The following U2AF2 variants were observed in gnomAD, a reference collection of about 807,000 sequenced individuals.
U2AF2 encodes the protein U2 small nuclear RNA auxiliary factor 2, also known as splicing factor U2AF 65 kDa subunit.
Under a neutral mutation model 52.6 loss-of-function variants are expected in U2AF2, and 6 were observed. The observed-to-expected ratio is 0.11, with a 90% CI of 0.06 to 0.23. U2AF2 has a LOEUF of 0.23. Ranked by LOEUF, U2AF2 falls within the 10% of genes least tolerant of loss-of-function variation. The probability of loss-of-function intolerance (pLI) is 1.00; values close to 1 mark genes in which losing one functional copy is unlikely to be tolerated. For synonymous variants in U2AF2, 284 were observed against 258.2 expected, an observed-to-expected ratio of 1.10 and a Z score of -0.96; for missense variants, 222 against 677.1, an observed-to-expected ratio of 0.33 and a Z score of 7.46.
In U2AF2 at chr19:55,663,594, T is replaced by A. The variant is rs775485746; in HGVS notation, c.604-12T>A. 1 of 1,612,560 alleles carries A rather than the reference T, an allele frequency of 6.2e-7. No homozygotes were observed. The highest frequency in any genetic ancestry group is 8.5e-7 in the Non-Finnish European group (1 of 1,178,746). On this transcript the variant is annotated splice_polypyrimidine_tract_variant and intron_variant, in intron 6 of 11. Coordinates refer to ENST00000308924, the MANE Select transcript of U2AF2 (RefSeq NM_007279.3). ...ACCCCCATCCCTCACCACTCCTTTCTCTTTCATTCAGTTCCGCTCAGTGGA... is the reference window on the plus strand; with the variant it reads ...ACCCCCATCCCTCACCACTCCTTTCACTTTCATTCAGTTCCGCTCAGTGGA...
At chr19:55,667,337 A>G (rs996497531) in intron 7 of U2AF2, among the ~76,000 whole-genome samples, 3 of 152,062 alleles carry the variant, frequency 2.0e-5, no homozygotes, top group Admixed American at 6.6e-5. Context: ...CTTGGTGTGG[A>G]GGCTGCAGAG....
chr19:55,663,878 T>C, intron 7 of U2AF2, 134 bp downstream of exon 7: 2 of 1,368,992 alleles, frequency 1.5e-6, no homozygotes, highest in Non-Finnish European at 2.0e-6. Context: ...TTTCCCTGCT[T>C]CCCCTAAGTC....
intron 7 of U2AF2, among the ~76,000 whole-genome samples, chr19:55,667,922 A>G (rs1159265544): frequency 6.6e-6 from 1 of 151,886 alleles, no homozygotes; most frequent in Non-Finnish European, 1.5e-5. Context: ...AGTAGCTGGG[A>G]CTACAGGTGC....
Position 55,659,289 on chromosome 19 carries a change from C to T in U2AF2, c.129C>T (p.Ser43=). The part of the protein sequence containing the change: ...RSRDRKRRSR[S]RDRRNRDQRS... ...GGGACCGCAAACGCCGGAGCCGGAG[C>T]CGCGACCGGCGCAACCGGGACCAGC... The change falls in exon 2 of 12, where the codon AGC becomes AGT. Residue 43 remains serine (S), a synonymous_variant. Coordinates refer to ENST00000308924, the MANE Select transcript of U2AF2 (RefSeq NM_007279.3). 1 of 1,599,076 alleles carries T rather than the reference C, an allele frequency of 6.3e-7. No homozygotes were observed. The highest frequency in any genetic ancestry group is 8.5e-7 in the Non-Finnish European group (1 of 1,172,162).
chr19:55,673,127 C>A (rs1424440288), intron 11 of U2AF2, among the ~76,000 whole-genome samples: 1 of 151,132 alleles, frequency 6.6e-6, no homozygotes, highest in East Asian at 2.0e-4. Context: ...CTATGTTGGC[C>A]ATGCTGGTCT....
chr19:55,655,265 C>A, intron 1 of U2AF2, 112 bp downstream of exon 1: 1 of 1,219,504 alleles, frequency 8.2e-7, no homozygotes, highest in Non-Finnish European at 1.1e-6. Context: ...CGCGGCGCCC[C>A]CCAACCCTGG....
At chr19:55,656,854 T>C (rs1382371909) in intron 1 of U2AF2, among the ~76,000 whole-genome samples, 2 of 152,224 alleles carry the variant, frequency 1.3e-5, no homozygotes, top group South Asian at 4.1e-4. Flanking sequence ...TAAAATTCCA[T>C]GCTTAGAGAG....
At chr19:55,667,948 G>A (rs1267559548) in intron 7 of U2AF2, among the ~76,000 whole-genome samples, 1 of 152,096 alleles carries the variant, frequency 6.6e-6, no homozygotes, top group Non-Finnish European at 1.5e-5. Context: ...ACCACAGCCC[G>A]CTAATTTTTG....
In U2AF2 at chr19:55,663,595, C is replaced by G. The variant is rs372872498; in HGVS notation, c.604-11C>G. 1.1e-5 allele frequency: 18 copies of G among 1,613,032 alleles called. No homozygotes were observed. In the African/African-American group the frequency reaches 2.3e-4, roughly 20 times the overall value. On this transcript the variant is annotated splice_polypyrimidine_tract_variant and intron_variant, in intron 6 of 11. Coordinates refer to ENST00000308924, the MANE Select transcript of U2AF2 (RefSeq NM_007279.3). ...CCCCCATCCCTCACCACTCCTTTCT[C>G]TTTCATTCAGTTCCGCTCAGTGGAC...
At position 55,660,490 on chromosome 19, in the gene U2AF2, C is replaced by A. The variant is rs773570042; in HGVS notation, c.231-26C>A. 23 of 994,880 alleles carry A rather than the reference C, an allele frequency of 2.3e-5. No individual in the cohort carries two copies. In the South Asian group the frequency reaches 2.8e-4, roughly 12 times the overall value. The allele number at this position is 994,880 out of a possible 1,614,324, so 61.6% of individuals were successfully genotyped here. ...TTGGTCAGACTGAGGTTGCCCTGCCCCGCTCTCCCCTCCCACCTCCCCCAG... is the reference window on the plus strand; with the variant it reads ...TTGGTCAGACTGAGGTTGCCCTGCCACGCTCTCCCCTCCCACCTCCCCCAG... On this transcript the variant is annotated intron_variant, in intron 3 of 11. Transcript: ENST00000308924.
intron 3 of U2AF2, 124 bp from the exon 4 acceptor site, chr19:55,660,392 C>T (rs1984099333): frequency 9.2e-7 from 1 of 1,084,396 alleles, no homozygotes; most frequent in African/African-American, 1.6e-5. Context: ...CTCTCCTTCC[C>T]TGGAGAGAGT....
chr19:55,672,325 C>T (rs1407021225), intron 11 of U2AF2, among the ~76,000 whole-genome samples: 1 of 152,114 alleles, frequency 6.6e-6, no homozygotes, highest in Non-Finnish European at 1.5e-5. Flanking sequence ...TCATATTCAG[C>T]TTATTTCTCC....
At chr19:55,658,193 C>G (rs551924243) in intron 1 of U2AF2, among the ~76,000 whole-genome samples, 46 of 152,266 alleles carry the variant, frequency 3.0e-4, no homozygotes, top group South Asian at 6.2e-4. Flanking sequence ...CATATATAAG[C>G]ACCTTAACGT....
chr19:55,662,469 C>CGT, intron 5 of U2AF2, 33 bp from the exon 6 acceptor site: 1 of 1,172,316 alleles, frequency 8.5e-7, no homozygotes, highest in Non-Finnish European at 1.2e-6. Flanking sequence ...TCCCTTCCCC[C>CGT]GCCCCCCCCC....
chr19:55,660,961 A>T, intron 4 of U2AF2, 77 bp from the exon 5 acceptor site: 9 of 1,496,010 alleles, frequency 6.0e-6, no homozygotes, highest in Non-Finnish European at 8.0e-6. Context: ...GAGGAGGGGA[A>T]CTCCCAGTGT....
In U2AF2 at chr19:55,659,322, C is replaced by T; in HGVS notation, c.162C>T (p.Ala54=). The change falls in exon 2 of 12, where the codon GCC becomes GCT. Residue 54 remains alanine (A), a synonymous_variant. Transcript: ENST00000308924. Reference sequence around the variant, plus strand: ...GGCGCAACCGGGACCAGCGGAGCGCCTCCCGGGACAGGCGACGACGCAGGT... The same window carrying T: ...GGCGCAACCGGGACCAGCGGAGCGCTTCCCGGGACAGGCGACGACGCAGGT... ...RDRRNRDQRS[A]SRDRRRRSKP... is the part of the protein sequence containing the mutation. 1 of 1,565,322 alleles carries T rather than the reference C, an allele frequency of 6.4e-7. No homozygotes were observed. The highest frequency in any genetic ancestry group is 8.7e-7 in the Non-Finnish European group (1 of 1,153,130).
At chr19:55,663,977 C>G (rs997579310) in intron 7 of U2AF2, 8 of 547,572 alleles carry the variant, frequency 1.5e-5, no homozygotes, top group Non-Finnish European at 2.2e-5. Context: ...ACAGCTTGTA[C>G]GTGGCAGAGC....
chr19:55,669,911 G>A (rs796606290), intron 11 of U2AF2, among the ~76,000 whole-genome samples: 1 of 152,218 alleles, frequency 6.6e-6, no homozygotes, highest in South Asian at 2.1e-4. Flanking sequence ...ACCCTGAGGG[G>A]TTTGTGGCCC....
chr19:55,660,194 G>A lies in U2AF2; in HGVS notation c.203G>A (p.Gly68Asp), dbSNP rs1984082345. Residue 68 changes from glycine (G) to aspartate (D), a missense_variant, in exon 3 of 12, where the codon GGC (glycine) becomes GAC (aspartate). Transcript: ENST00000308924. The stretch of plus-strand genomic sequence containing the variant: ...CCCCCCAGCAAACCTTTGACCAGAG[G>A]CGCTAAAGAGGAGCACGGTGGACTG... Reference protein sequence around the residue: ...RRRRSKPLTRGAKEEHGGLIR... With the variant: ...RRRRSKPLTRDAKEEHGGLIR... 6.2e-7 allele frequency: 1 copy of A among 1,609,332 alleles called. No homozygotes were observed. The highest frequency in any genetic ancestry group is 1.3e-5 in the African/African-American group (1 of 74,394).
Sources: gnomAD v4.1 joint callset for allele counts (sites outside exome capture counted in the v4.1 genomes callset) on GRCh38, gnomAD v4.1.1 for gene constraint, MANE v1.5 for transcripts, NCBI Gene and HGNC (gene_info 2026-07-23, HGNC 2026-07-21) for gene names.